Variants in IPO4 observed in about 807,000 individuals in gnomAD.
The protein encoded by IPO4 is importin-4.
In IPO4, 91 loss-of-function variants were observed where a neutral mutation model predicts 133.5. The ratio of observed to expected loss-of-function variants is 0.68; its 90% CI spans 0.58 to 0.81. The LOEUF (loss-of-function observed/expected upper bound fraction) is 0.81, where lower values mean the gene tolerates loss of function less well. Among genes scored for constraint, IPO4 ranks in the 30% least tolerant of loss-of-function variants. IPO4 has a pLI of 0.00. For missense variants in IPO4, 1,279 were observed against 1,386.2 expected (o/e 0.92, Z 1.23); for synonymous variants, 607 against 581.6 (o/e 1.04, Z -0.63).
Position 24,188,533 on chromosome 14 carries a change from GGA to G in IPO4, c.156+17_156+18del. Reference sequence around the variant, plus strand: ...TGGCGTACAGTGGGAAGCTCGGAGGGGAGAGTCAGGGGTCTCACCTGGGGGTC... The same window carrying G: ...TGGCGTACAGTGGGAAGCTCGGAGGGGAGTCAGGGGTCTCACCTGGGGGTC... On this transcript the variant is annotated intron_variant, in intron 2 of 29. Coordinates refer to ENST00000354464, the MANE Select transcript of IPO4 (RefSeq NM_024658.4). 1.9e-6 allele frequency: 3 copies of G among 1,610,038 alleles called. No homozygotes were observed. Among genetic ancestry groups the G allele is most frequent in the South Asian group, 1.1e-5 (1 of 90,922 alleles).
rs778689897 is a variant in IPO4 at position 24,188,219 on chromosome 14, G to A, written c.275C>T (p.Thr92Ile). 5.6e-5 allele frequency: 91 copies of A among 1,613,226 alleles called. No homozygotes were observed. The highest frequency in any genetic ancestry group is 1.0e-4 in the Admixed American group (6 of 59,846). The change falls in exon 4 of 30, where the codon ACA (threonine) becomes ATA (isoleucine). Residue 92 changes from threonine (T) to isoleucine (I), a missense_variant. By Grantham distance (89) the Thr-to-Ile change is moderately conservative (BLOSUM62 -1). Transcript: ENST00000354464. ...SLILTALQRE[T>I]EHCVSLSLAQ... ...AGAGAAGTGGGTAGGTACTTACTCT[G>A]TTTCTCTCTGCAGGGCCGTCAGGAT... is the stretch of plus-strand genomic sequence containing the variant.
chr14:24,184,831 G>A (rs761129991), intron 15 of IPO4, 36 bp downstream of exon 15: 2 of 1,605,940 alleles, frequency 1.2e-6, no homozygotes, highest in African/African-American at 1.3e-5. Flanking sequence ...GCCTTTGGGT[G>A]AACCCCACAT....
At chr14:24,187,952 G>T in intron 4 of IPO4, 156 bp from the exon 5 acceptor site, 1 of 885,664 alleles carries the variant, frequency 1.1e-6, no homozygotes, top group African/African-American at 1.7e-5. Flanking sequence ...CTCAGAGGGA[G>T]CCCAACAGCA....
intron 24 of IPO4, 173 bp from the exon 25 acceptor site, chr14:24,182,576 C>G: frequency 9.9e-7 from 1 of 1,013,838 alleles, no homozygotes; most frequent in Non-Finnish European, 1.5e-6. Flanking sequence ...GGCTCTTCTG[C>G]TCCTACCTAT....
chr14:24,182,404 C>T lies in IPO4; in HGVS notation c.2473-1G>A, dbSNP rs1383694951. The stretch of plus-strand genomic sequence containing the variant: ...CCAGCAACATGGCGTCGTATTCAGC[C>T]TGTGGAGCCAGGTCAGGGGCTGGAG... On this transcript the variant is annotated splice_acceptor_variant, in intron 24 of 29. Transcript: ENST00000354464. LOFTEE classifies it high-confidence loss of function. 1 of 1,607,938 alleles carries T rather than the reference C, an allele frequency of 6.2e-7. No individual in the cohort carries two copies. The highest frequency in any genetic ancestry group is 8.5e-7 in the Non-Finnish European group (1 of 1,177,718).
At chr14:24,182,917 G>C in intron 23 of IPO4, 59 bp downstream of exon 23, 1 of 1,612,216 alleles carries the variant, frequency 6.2e-7, no homozygotes, top group Non-Finnish European at 8.5e-7. Flanking sequence ...TGGACTTGTA[G>C]CCAGTCCCCA....
In IPO4 at chr14:24,185,204, C is replaced by T. The variant is rs1238105314; in HGVS notation, c.1387G>A (p.Glu463Lys). 6.2e-7 allele frequency: 1 copy of T among 1,614,134 alleles called. No individual in the cohort carries two copies. The highest frequency in any genetic ancestry group is 1.1e-5 in the South Asian group (1 of 91,088). The stretch of plus-strand genomic sequence containing the variant: ...CTACCTAGGTTCTCCACAAAATTCT[C>T]CAGGGCATAGCAGGCCTTGGCTAGG... Reference protein sequence around the residue: ...HHLAKACYALENFVENLGPKV... With the variant: ...HHLAKACYALKNFVENLGPKV... Residue 463 changes from glutamate to lysine, a missense_variant, in exon 14 of 30, where the codon GAG becomes AAG. Glu to Lys is a moderately conservative substitution (Grantham distance 56, BLOSUM62 1). This residue lies in a region of IPO4 where 695 missense variants were observed against 704.1 expected (regional missense o/e 0.99). Transcript: ENST00000354464.
In IPO4 at chr14:24,183,255, G is replaced by C. The variant is rs752625625; in HGVS notation, c.2222C>G (p.Thr741Ser). 4 of 1,613,620 alleles carry C rather than the reference G, an allele frequency of 2.5e-6. No individual in the cohort carries two copies. The highest frequency in any genetic ancestry group is 3.4e-6 in the Non-Finnish European group (4 of 1,179,826). ...ACQSCPSEPN[T>S]AALQAALARV... ...CTGGCCCAGCCTCTCCTCACCAGCA[G>C]TGTTGGGTTCCGAGGGGCAGCTTTG... Residue 741 changes from threonine to serine, a missense_variant, in exon 22 of 30, where the codon ACT becomes AGT. Thr to Ser is a moderately conservative substitution (Grantham distance 58, BLOSUM62 1). Around this residue, in one of 3 missense-constraint regions of IPO4, gnomAD observed 575 missense variants for 653.4 expected, o/e 0.88. Transcript: ENST00000354464.
chr14:24,183,095 C>A lies in IPO4; in HGVS notation c.2302G>T (p.Val768Leu), dbSNP rs745476832. Residue 768 changes from valine (V) to leucine (L), a missense_variant, in exon 23 of 30, where the codon GTG (valine) becomes TTG (leucine). Physicochemically the swap from Val to Leu is conservative, Grantham distance 32 (BLOSUM62 1). Around this residue, in one of 3 missense-constraint regions of IPO4, gnomAD observed 575 missense variants for 653.4 expected, o/e 0.88. Coordinates refer to ENST00000354464, the MANE Select transcript of IPO4 (RefSeq NM_024658.4). ...GTCAGGGCCTCCAGCACGGCCATCACCACCTGGCGTTCCCGCTCCCTGTTC... is the reference window on the plus strand; with the variant it reads ...GTCAGGGCCTCCAGCACGGCCATCAACACCTGGCGTTCCCGCTCCCTGTTC... ...AVNRERERQV[V>L]MAVLEALTGV... The A allele has an allele frequency of 6.2e-7, 1 of 1,613,884 alleles. No individual in the cohort carries two copies. The highest frequency in any genetic ancestry group is 1.1e-5 in the South Asian group (1 of 91,080).
chr14:24,181,150 T>C (rs1017597455), intron 28 of IPO4, among the ~76,000 whole-genome samples: 4 of 152,142 alleles, frequency 2.6e-5, no homozygotes, highest in Non-Finnish European at 5.9e-5. Context: ...GATTGAAATG[T>C]ATGGTGTGGT....
Position 24,184,297 on chromosome 14 carries a change from C to T in IPO4, c.1757+1G>A, listed in dbSNP as rs565149791. The T allele has an allele frequency of 5.1e-6, 8 of 1,580,382 alleles. No homozygotes were observed. The highest frequency in any genetic ancestry group is 3.4e-5 in the South Asian group (3 of 87,064). ...CAGAGGCAGGGTGAGGGGTCACTCACGTGCAGCGCCGCAAGTCAGGGTCGT... is the reference window on the plus strand; with the variant it reads ...CAGAGGCAGGGTGAGGGGTCACTCATGTGCAGCGCCGCAAGTCAGGGTCGT... On this transcript the variant is annotated splice_donor_variant, in intron 17 of 29. Coordinates refer to ENST00000354464, the MANE Select transcript of IPO4 (RefSeq NM_024658.4). LOFTEE classifies it high-confidence loss of function.
chr14:24,183,725 T>C (rs370926182), intron 19 of IPO4, 58 bp from the exon 20 acceptor site: 306 of 1,614,034 alleles, frequency 1.9e-4, no homozygotes, highest in Non-Finnish European at 2.6e-4. Context: ...GATCCAGCAC[T>C]AGGCCCTTGT....
In IPO4 at chr14:24,184,888, C is replaced by T; in HGVS notation, c.1501G>A (p.Val501Met). The change falls in exon 15 of 30, where the codon GTG (valine) becomes ATG (methionine). Residue 501 changes from valine (V) to methionine (M), a missense_variant. By Grantham distance (21) the Val-to-Met change is conservative. Coordinates refer to ENST00000354464, the MANE Select transcript of IPO4 (RefSeq NM_024658.4). ...TCACCAATGGCTCCCAGGGCGCTCA[C>T]AGCCAGCTCCTTGGCCCGGGGACTG... ...PSSPRAKELA[V>M]SALGAIATAA... 2 of 1,614,042 alleles carry T rather than the reference C, an allele frequency of 1.2e-6. No homozygotes were observed. Among genetic ancestry groups the T allele is most frequent in the Admixed American group, 1.7e-5 (1 of 60,016 alleles).
At position 24,187,743 on chromosome 14, in the gene IPO4, T is replaced by G; in HGVS notation, c.332A>C (p.Glu111Ala). The change falls in exon 5 of 30, where the codon GAA (glutamate) becomes GCA (alanine). Residue 111 changes from glutamate to alanine, a missense_variant. Glu to Ala is a moderately radical substitution (Grantham distance 107). Transcript: ENST00000354464. ...AAGCTGTGGCCAGGCCTCCAAGCCT[T>G]CCTTTCGAAAAATGGTGGCTGAGAG... Reference protein sequence around the residue: ...AQLSATIFRKEGLEAWPQLLQ... With the variant: ...AQLSATIFRKAGLEAWPQLLQ... 1 of 1,614,152 alleles carries G rather than the reference T, an allele frequency of 6.2e-7. No homozygotes were observed. Among genetic ancestry groups the G allele is most frequent in the Non-Finnish European group, 8.5e-7 (1 of 1,180,022 alleles).
chr14:24,187,181 A>C, intron 6 of IPO4, 31 bp from the exon 7 acceptor site: 1 of 1,605,148 alleles, frequency 6.2e-7, no homozygotes, highest in Non-Finnish European at 8.5e-7. Flanking sequence ...AGCATGATGC[A>C]GCCCAATCTC....
In IPO4 at chr14:24,184,748, G is replaced by A. The variant is rs7146310; in HGVS notation, c.1538C>T (p.Ala513Val). ...ALGAIATAAQASLLPYFPAIM... is the reference protein window; with the variant it reads ...ALGAIATAAQVSLLPYFPAIM... ...GGCAGGGAAGTAGGGCAGCAGCGAG[G>A]CCTGGGCAGCCGTAGCTGCAGGATG... The change falls in exon 16 of 30, where the codon GCC becomes GTC. Residue 513 changes from alanine to valine, a missense_variant. Ala to Val is a moderately conservative substitution (Grantham distance 64). This residue lies in a region of IPO4 where 695 missense variants were observed against 704.1 expected (regional missense o/e 0.99). Coordinates refer to ENST00000354464, the MANE Select transcript of IPO4 (RefSeq NM_024658.4). The A allele has an allele frequency of 0.31, 494,308 of 1,610,404 alleles. 78,079 individuals carry two copies. The highest frequency in any genetic ancestry group is 0.45 in the East Asian group (20,175 of 44,822).
chr14:24,182,764 G>A, intron 24 of IPO4, 28 bp downstream of exon 24: 1 of 1,613,578 alleles, frequency 6.2e-7, no homozygotes. Flanking sequence ...TGGACCGCCT[G>A]GTCCCCGTTT....
At chr14:24,186,072 CAG>C in intron 11 of IPO4, 55 bp downstream of exon 11, 2 of 1,606,658 alleles carry the variant, frequency 1.2e-6, no homozygotes, top group Non-Finnish European at 1.7e-6. Flanking sequence ...TCGTTGGCCT[CAG>C]GGGGACTAGG....
chr14:24,180,655 C>T (rs1056004625), intron 29 of IPO4, 34 bp downstream of exon 29: 8 of 1,613,348 alleles, frequency 5.0e-6, no homozygotes, highest in Middle Eastern at 1.7e-4. Context: ...CTCCCAGCCT[C>T]CCGCAAGCCC....
Sources: gnomAD v4.1 joint callset for allele counts (sites outside exome capture counted in the v4.1 genomes callset) on GRCh38, gnomAD v4.1.1 for gene constraint, gnomAD v4.1.1 regional missense constraint, MANE v1.5 for transcripts, NCBI Gene and HGNC (gene_info 2026-07-23, HGNC 2026-07-21) for gene names.